The following CAMTA1 variants were observed in gnomAD, a reference collection of about 807,000 sequenced individuals.
CAMTA1 encodes the protein calmodulin-binding transcription activator 1.
CAMTA1 carries 27 observed loss-of-function variants against 170.9 expected under a neutral mutation model. That is an observed-to-expected ratio of 0.16 (90% CI 0.12 to 0.22). CAMTA1 has a LOEUF of 0.22. CAMTA1 is among the 10% of genes least tolerant of loss of function. The pLI is 1.00. For missense variants in CAMTA1, 1,619 were observed against 2,217.2 expected, an observed-to-expected ratio of 0.73 and a Z score of 5.42; for synonymous variants, 833 against 891.5, an observed-to-expected ratio of 0.93 and a Z score of 1.17.
At chr1:7,217,367 T>G (rs1292488233) in intron 4 of CAMTA1, among the ~76,000 whole-genome samples, 1 of 152,218 alleles carries the variant, frequency 6.6e-6, no homozygotes, top group Non-Finnish European at 1.5e-5. Flanking sequence ...AATTACCCAG[T>G]CTCGGGCAGT....
At chr1:6,795,400 C>A (rs1642251168) in intron 1 of CAMTA1, among the ~76,000 whole-genome samples, 1 of 151,954 alleles carries the variant, frequency 6.6e-6, no homozygotes, top group East Asian at 1.9e-4. Flanking sequence ...TGCTGTATTG[C>A]CCAGGCTGGT....
At position 7,745,914 on chromosome 1, in the gene CAMTA1, T is replaced by G; in HGVS notation, c.4440T>G (p.Ser1480Arg). The change falls in exon 18 of 23, where the codon AGT becomes AGG. Residue 1480 changes from serine to arginine, a missense_variant. This residue lies in a region of CAMTA1 where 370 missense variants were observed against 429.4 expected (regional missense o/e 0.86). Coordinates refer to ENST00000303635, the MANE Select transcript of CAMTA1 (RefSeq NM_015215.4). ...TSLSPVGSPV[S>R]EIAFEKPNLP... Reference sequence around the variant, plus strand: ...TGAGCCCTGTTGGCTCTCCCGTCAGTGAAATCGCTTTCGAGAAACCTAACC... The same window carrying G: ...TGAGCCCTGTTGGCTCTCCCGTCAGGGAAATCGCTTTCGAGAAACCTAACC... The G allele has an allele frequency of 6.2e-7, 1 of 1,614,216 alleles. No individual in the cohort carries two copies. The highest frequency in any genetic ancestry group is 8.5e-7 in the Non-Finnish European group (1 of 1,180,038).
intron 6 of CAMTA1, among the ~76,000 whole-genome samples, chr1:7,637,777 G>A (rs1290360305): frequency 6.6e-6 from 1 of 152,192 alleles, no homozygotes; most frequent in Non-Finnish European, 1.5e-5. Context: ...TATAGACAGA[G>A]GGCACCCTGC....
intron 6 of CAMTA1, among the ~76,000 whole-genome samples, chr1:7,507,399 G>A (rs1347009182): frequency 6.6e-6 from 1 of 152,118 alleles, no homozygotes; most frequent in Non-Finnish European, 1.5e-5. Context: ...CTGGGGAGGG[G>A]GCACACGCCT....
chr1:7,738,896 G>A lies in CAMTA1; in HGVS notation c.4182+414G>A, dbSNP rs17031531. The stretch of plus-strand genomic sequence containing the variant: ...TGGATAGATTTTGAATTATCTGAGT[G>A]ACCTTGATCGGCATAGCTATCATCT... On this transcript the variant is annotated intron_variant, in intron 16 of 22. Coordinates refer to ENST00000303635, the MANE Select transcript of CAMTA1 (RefSeq NM_015215.4). The surrounding 1 kb of genome is among the most constrained non-coding windows in gnomAD (Gnocchi z 4.9). 0.15 allele frequency among the ~76,000 whole-genome samples: 22,574 copies of A among 152,168 alleles called. 2,239 individuals carry two copies. The highest frequency in any genetic ancestry group is 0.32 in the East Asian group (1,665 of 5,170).
In CAMTA1 at chr1:7,606,000, C is replaced by T. The variant is rs548256509; in HGVS notation, c.511-34400C>T. ...GGCTCCATCCCTGCCCTCCTGCCCT[C>T]GGGGGAGCTTGTAGAAGGCTTCATC... On this transcript the variant is annotated intron_variant, in intron 6 of 22. Transcript: ENST00000303635. Among the ~76,000 whole-genome samples, 7 of 152,276 alleles carry T rather than the reference C, an allele frequency of 4.6e-5. No individual in the cohort carries two copies. The East Asian group carries it at 1.2e-3, about 25-fold the overall frequency.
In CAMTA1 at chr1:7,565,982, T is replaced by G. The variant is rs1361044317; in HGVS notation, c.511-74418T>G. Among the ~76,000 whole-genome samples, 1 of 152,148 alleles carries G rather than the reference T, an allele frequency of 6.6e-6. No individual in the cohort carries two copies. The highest frequency in any genetic ancestry group is 1.5e-5 in the Non-Finnish European group (1 of 68,022). ...TCTTCTTAGAAGTCTTCCAATCCTA[T>G]TGGATTAGGACCCTGGCCCCATGGC... On this transcript the variant is annotated intron_variant, in intron 6 of 22. Coordinates refer to ENST00000303635, the MANE Select transcript of CAMTA1 (RefSeq NM_015215.4). The surrounding 1 kb of genome is among the most constrained non-coding windows in gnomAD (Gnocchi z 4.5).
chr1:7,407,742 G>A (rs149773931), intron 5 of CAMTA1, among the ~76,000 whole-genome samples: 4 of 152,258 alleles, frequency 2.6e-5, no homozygotes, highest in Non-Finnish European at 5.9e-5. Context: ...TTCACGAGGT[G>A]CTGCTTGGTT....
intron 3 of CAMTA1, among the ~76,000 whole-genome samples, chr1:7,036,999 A>T (rs376802567): frequency 6.6e-6 from 1 of 152,232 alleles, no homozygotes; most frequent in African/African-American, 2.4e-5. Context: ...AGACTTCTTC[A>T]TCGGTTTTAT....
At chr1:6,895,253 A>G (rs190173002) in intron 3 of CAMTA1, among the ~76,000 whole-genome samples, 17 of 152,334 alleles carry the variant, frequency 1.1e-4, no homozygotes, top group African/African-American at 3.4e-4. Context: ...ACTTAACACA[A>G]ACTCATCAGT....
chr1:7,480,437 G>T (rs963249078), intron 6 of CAMTA1, among the ~76,000 whole-genome samples: 2 of 151,806 alleles, frequency 1.3e-5, no homozygotes, highest in Non-Finnish European at 2.9e-5. Flanking sequence ...GACAGAGAGA[G>T]ATATCCTCGC....
chr1:7,243,714 C>CT (rs1287017740), intron 4 of CAMTA1, among the ~76,000 whole-genome samples: 1 of 152,144 alleles, frequency 6.6e-6, no homozygotes, highest in Non-Finnish European at 1.5e-5. Context: ...AATGTGGGCT[C>CT]TTTTTTGGTT....
intron 6 of CAMTA1, among the ~76,000 whole-genome samples, chr1:7,590,283 G>A (rs1437274418): frequency 6.6e-6 from 1 of 152,212 alleles, no homozygotes; most frequent in Non-Finnish European, 1.5e-5. Context: ...CTGATCCTGA[G>A]CCTCTTACGT....
At chr1:7,130,824 C>A (rs1645205901) in intron 4 of CAMTA1, among the ~76,000 whole-genome samples, 1 of 152,136 alleles carries the variant, frequency 6.6e-6, no homozygotes, top group Non-Finnish European at 1.5e-5. Flanking sequence ...ATATTCCAAT[C>A]TTTTGCCTCT....
chr1:7,434,690 G>A (rs1395331042), intron 5 of CAMTA1, among the ~76,000 whole-genome samples: 1 of 152,120 alleles, frequency 6.6e-6, no homozygotes, highest in Non-Finnish European at 1.5e-5. Flanking sequence ...CAAAGCCAAG[G>A]TGCCAGCATC....
chr1:7,472,543 C>T (rs944835086), intron 6 of CAMTA1, among the ~76,000 whole-genome samples: 2 of 152,140 alleles, frequency 1.3e-5, no homozygotes, highest in East Asian at 1.9e-4. Context: ...CGCTGCCTCC[C>T]CTGGGGGCAC....
rs138587294 is a variant in CAMTA1, at chr1:7,721,655, C to T, written c.2915-10793C>T. ...CTGGGATGGTTGGTAAAGAACAGTC[C>T]ATTCTGTGTCACAACAAAGAGTTTA... On this transcript the variant is annotated intron_variant, in intron 11 of 22. Transcript: ENST00000303635. 2.0e-5 allele frequency among the ~76,000 whole-genome samples: 3 copies of T among 152,218 alleles called. No homozygotes were observed. The East Asian group carries it at 5.8e-4, about 29-fold the overall frequency.
chr1:7,277,774 C>CT (rs57789453), intron 5 of CAMTA1, among the ~76,000 whole-genome samples: 115,285 of 148,414 alleles, frequency 0.78, 45,036 homozygotes, highest in Admixed American at 0.85. Flanking sequence ...CATACACACA[C>CT]TTTTTTTTTT....
rs116000482 is a variant in CAMTA1, at chr1:7,233,577, C to T, written c.303-15914C>T. 3.2e-3 allele frequency among the ~76,000 whole-genome samples: 491 copies of T among 152,284 alleles called. 2 individuals are homozygous for T. Among genetic ancestry groups the T allele is most frequent in the Non-Finnish European group, 5.1e-3 (350 of 68,026 alleles). On this transcript the variant is annotated intron_variant, in intron 4 of 22. Coordinates refer to ENST00000303635, the MANE Select transcript of CAMTA1 (RefSeq NM_015215.4). ...GTTGCTGTTTCTTGATTAATTTGCT[C>T]ATTTGATGAGGACTTATGGAGTGTT...
Sources: allele counts gnomAD v4.1 joint callset (sites outside exome capture counted in the v4.1 genomes callset), GRCh38; gene constraint gnomAD v4.1.1; regional missense constraint gnomAD v4.1.1; non-coding constraint Gnocchi (gnomAD v3.1); transcripts MANE v1.5; gene names NCBI Gene and HGNC (gene_info 2026-07-23, HGNC 2026-07-21).